VWA3B: variants seen among roughly 807,000 people sequenced by gnomAD.
VWA3B encodes von Willebrand factor A domain containing 3B, also known as von Willebrand factor A domain-containing protein 3B.
VWA3B carries 138 observed loss-of-function variants against 158.3 expected under a neutral mutation model. That is an observed-to-expected ratio of 0.87 (90% confidence interval 0.76 to 1.00). The LOEUF is 1.00. Ranked by LOEUF, VWA3B falls within the 50% of genes least tolerant of loss-of-function variation. VWA3B has a pLI of 0.00. For synonymous variants in VWA3B, 596 were observed against 587.3 expected (o/e 1.01, Z -0.21); for missense variants, 1,555 against 1,565.1 (o/e 0.99, Z 0.11).
chr2:98,229,925 G>A, intron 15 of VWA3B, 125 bp from the exon 16 acceptor site: 1 of 1,074,430 alleles, frequency 9.3e-7, no homozygotes, highest in East Asian at 2.7e-5. Flanking sequence ...ACCCAGATGG[G>A]GGAAGGCTTA....
At chr2:98,154,076 G>A (rs917390674) in intron 7 of VWA3B, among the ~76,000 whole-genome samples, 3 of 152,072 alleles carry the variant, frequency 2.0e-5, no homozygotes, top group Non-Finnish European at 4.4e-5. Context: ...TGGCCAGGCT[G>A]GTCTCAAACT....
At chr2:98,323,183 A>G in the VWA3B span, among the ~76,000 whole-genome samples, 1 of 152,186 alleles carries the variant, frequency 6.6e-6, no homozygotes, top group Non-Finnish European at 1.5e-5. Flanking sequence ...ACATCAAAGT[A>G]GCTACTATAA....
At chr2:98,319,741 A>G in the VWA3B span, among the ~76,000 whole-genome samples, 1 of 152,044 alleles carries the variant, frequency 6.6e-6, no homozygotes, top group Non-Finnish European at 1.5e-5. Context: ...TTAGCCATGC[A>G]TGGTGGTGCA....
chr2:98,255,694 G>C (rs1225831952), intron 20 of VWA3B, among the ~76,000 whole-genome samples: 1 of 152,040 alleles, frequency 6.6e-6, no homozygotes, highest in Non-Finnish European at 1.5e-5. Flanking sequence ...TCTAAAGTGT[G>C]TCCCAATCCT....
At chr2:98,282,244 T>C (rs1032509825) in intron 22 of VWA3B, among the ~76,000 whole-genome samples, 2 of 151,948 alleles carry the variant, frequency 1.3e-5, no homozygotes, top group African/African-American at 4.9e-5. Context: ...TGAACCATTA[T>C]ACTGAAGCTG....
At chr2:98,181,380 G>C (rs897721379) in intron 9 of VWA3B, among the ~76,000 whole-genome samples, 168 bp downstream of exon 9, 3 of 152,184 alleles carry the variant, frequency 2.0e-5, no homozygotes, top group African/African-American at 7.2e-5. Context: ...CTTCTCCAAA[G>C]GGCATCTGTG....
intron 8 of VWA3B, among the ~76,000 whole-genome samples, chr2:98,168,805 A>G (rs1679332740): frequency 1.3e-5 from 2 of 152,340 alleles, no homozygotes; most frequent in South Asian, 4.1e-4. Flanking sequence ...ATATGAAAAA[A>G]AGATTTAAAA....
chr2:98,240,091 C>T (rs1056193753), intron 19 of VWA3B, among the ~76,000 whole-genome samples: 3 of 152,088 alleles, frequency 2.0e-5, no homozygotes, highest in Non-Finnish European at 4.4e-5. Context: ...GCTTCTCTCA[C>T]CACTACGCCT....
At chr2:98,215,729 A>G (rs932897129) in intron 13 of VWA3B, among the ~76,000 whole-genome samples, 2 of 151,952 alleles carry the variant, frequency 1.3e-5, no homozygotes, top group African/African-American at 4.8e-5. Flanking sequence ...TGTTAGCCAG[A>G]ATGGTCTTGA....
At chr2:98,180,348 C>T (rs1680460143) in intron 8 of VWA3B, among the ~76,000 whole-genome samples, 1 of 152,182 alleles carries the variant, frequency 6.6e-6, no homozygotes, top group African/African-American at 2.4e-5. Context: ...CCTGCCACCA[C>T]ACCTGGCTAA....
chr2:98,181,723 G>T (rs978556124), intron 9 of VWA3B, among the ~76,000 whole-genome samples: 17 of 152,200 alleles, frequency 1.1e-4, no homozygotes, highest in African/African-American at 3.4e-4. Flanking sequence ...TCTATTGTGG[G>T]TTTTGTAGGA....
At chr2:98,149,732 A>G (rs1001025466) in intron 7 of VWA3B, among the ~76,000 whole-genome samples, 1 of 152,180 alleles carries the variant, frequency 6.6e-6, no homozygotes, top group African/African-American at 2.4e-5. Context: ...ATTTAGTTCT[A>G]GGAAGTCACT....
At position 98,181,197 on chromosome 2, in the gene VWA3B, C is replaced by T. The variant is rs375244468; in HGVS notation, c.1296C>T (p.Ser432=). 2.4e-5 allele frequency: 38 copies of T among 1,613,924 alleles called. No individual in the cohort carries two copies. Among genetic ancestry groups the T allele is most frequent in the East Asian group, 1.3e-4 (6 of 44,886 alleles). ...VDIKAKPENE[S]VQTSAETNKK... is the part of the protein sequence containing the mutation. ...TAAAAGCCAAACCGGAGAATGAGTC[C>T]GTGCAGACCAGTGCGGTAGGTGAAG... Residue 432 remains serine, a synonymous_variant, in exon 9 of 28, where the codon TCC becomes TCT. Coordinates refer to ENST00000477737, the MANE Select transcript of VWA3B (RefSeq NM_144992.5).
Position 98,101,570 on chromosome 2 carries a change from A to G in VWA3B, c.196+8282A>G, listed in dbSNP as rs537619532. On this transcript the variant is annotated intron_variant, in intron 2 of 27. Coordinates refer to ENST00000477737, the MANE Select transcript of VWA3B (RefSeq NM_144992.5). Reference sequence around the variant, plus strand: ...CATTTTTTAACCAGATTATTTACCAATTCCTTGCCAGCTTTGTTCTATTCT... The same window carrying G: ...CATTTTTTAACCAGATTATTTACCAGTTCCTTGCCAGCTTTGTTCTATTCT... Among the ~76,000 whole-genome samples the G allele has an allele frequency of 5.3e-5, 8 of 152,356 alleles. No homozygotes were observed. The East Asian group carries it at 9.6e-4, about 18-fold the overall frequency.
In VWA3B at chr2:98,180,281, G is replaced by A. The variant is rs1056021512; in HGVS notation, c.1115-735G>A. On this transcript the variant is annotated intron_variant, in intron 8 of 27. Transcript: ENST00000477737. Reference sequence around the variant, plus strand: ...GCATTCTCGGCTCACCGCAACCTCCGCCTCCCAGGTTGAAGCAGTTCTGCC... The same window carrying A: ...GCATTCTCGGCTCACCGCAACCTCCACCTCCCAGGTTGAAGCAGTTCTGCC... Among the ~76,000 whole-genome samples, 13 of 152,004 alleles carry A rather than the reference G, an allele frequency of 8.6e-5. No individual in the cohort carries two copies. In the East Asian group the frequency reaches 1.5e-3, roughly 18 times the overall value.
At chr2:98,301,240 A>G (rs1031295542) in intron 25 of VWA3B, among the ~76,000 whole-genome samples, 2 of 151,486 alleles carry the variant, frequency 1.3e-5, no homozygotes, top group Non-Finnish European at 2.9e-5. Context: ...CAGTGAGCCG[A>G]GATCACACCA....
intron 8 of VWA3B, among the ~76,000 whole-genome samples, chr2:98,175,232 C>G (rs954214627): frequency 4.6e-5 from 7 of 152,154 alleles, no homozygotes; most frequent in Non-Finnish European, 1.5e-5. Flanking sequence ...GAAGCCCAGA[C>G]ATTGACCTTA....
At chr2:98,194,755 C>G (rs987451366) in intron 12 of VWA3B, among the ~76,000 whole-genome samples, 2 of 152,160 alleles carry the variant, frequency 1.3e-5, no homozygotes, top group Non-Finnish European at 2.9e-5. Context: ...GTTGAAGCCC[C>G]CTTATGAAAA....
At position 98,228,259 on chromosome 2, in the gene VWA3B, A is replaced by G; in HGVS notation, c.2077A>G (p.Lys693Glu). ...GGAACAGGGTCACAGTGATCTGGAGAAGATGCAAGACCTTTATTCTGAGTC... is the reference window on the plus strand; with the variant it reads ...GGAACAGGGTCACAGTGATCTGGAGGAGATGCAAGACCTTTATTCTGAGTC... ...EMEQGHSDLE[K>E]MQDLYSESLI... The change falls in exon 15 of 28, where the codon AAG becomes GAG. Residue 693 changes from lysine to glutamate, a missense_variant. By Grantham distance (56) the Lys-to-Glu change is moderately conservative. Transcript: ENST00000477737. The G allele has an allele frequency of 6.2e-7, 1 of 1,614,090 alleles. No homozygotes were observed. The highest frequency in any genetic ancestry group is 8.5e-7 in the Non-Finnish European group (1 of 1,179,994).
Sources: gnomAD v4.1 joint callset for allele counts (sites outside exome capture counted in the v4.1 genomes callset) on GRCh38, gnomAD v4.1.1 for gene constraint, MANE v1.5 for transcripts, NCBI Gene and HGNC (gene_info 2026-07-23, HGNC 2026-07-21) for gene names.